SRPK2: variants seen among roughly 807,000 people sequenced by gnomAD.
SRPK2 encodes SFRS protein kinase 2.
A neutral mutation model predicts 90.8 loss-of-function variants in SRPK2; 21 were observed. The ratio of observed to expected loss-of-function variants is 0.23; its 90% CI spans 0.16 to 0.33. SRPK2 has a LOEUF of 0.33. SRPK2 is among the 10% of genes least tolerant of loss of function. The pLI, the probability that SRPK2 is intolerant of heterozygous loss-of-function variation, is 1.00. For synonymous variants in SRPK2, 288 were observed against 311.1 expected (o/e 0.93, Z 0.78); for missense variants, 620 against 869.0 (o/e 0.71, Z 3.60).
At chr7:105,357,271 C>G (rs1424839165) in intron 2 of SRPK2, among the ~76,000 whole-genome samples, 2 of 152,068 alleles carry the variant, frequency 1.3e-5, no homozygotes, top group African/African-American at 4.8e-5. Context: ...GATCTCCTGA[C>G]CTTGTGATCC....
At chr7:105,138,202 G>A (rs368258858) in intron 11 of SRPK2, among the ~76,000 whole-genome samples, 8 of 152,312 alleles carry the variant, frequency 5.3e-5, no homozygotes, top group Admixed American at 2.0e-4. Flanking sequence ...TTGTTTGTTC[G>A]TTATTCAATA....
chr7:105,251,147 G>C (rs1393306877), intron 2 of SRPK2, among the ~76,000 whole-genome samples: 2 of 152,120 alleles, frequency 1.3e-5, no homozygotes, highest in African/African-American at 2.4e-5. Context: ...AACTATAACA[G>C]GACAACGCCA....
At chr7:105,369,350 G>A (rs796253619) in intron 2 of SRPK2, among the ~76,000 whole-genome samples, 4 of 151,938 alleles carry the variant, frequency 2.6e-5, no homozygotes, top group African/African-American at 7.2e-5. Flanking sequence ...GCTTCATCAC[G>A]CTGGCCAGGC....
chr7:105,216,655 C>CAA lies in SRPK2; in HGVS notation c.72-12872_72-12871dup, dbSNP rs11337476. The stretch of plus-strand genomic sequence containing the variant: ...GGGCAACAGAATGAGACCCTGTCTC[C>CAA]AAAAAAAAAAAAAAAGAGAGAGAGA... On this transcript the variant is annotated intron_variant, in intron 2 of 15. Coordinates refer to ENST00000393651, the MANE Select transcript of SRPK2 (RefSeq NM_182692.3). Among the ~76,000 whole-genome samples, 125 of 130,706 alleles carry CAA rather than the reference C, an allele frequency of 9.6e-4. 1 individual carries two copies. In the East Asian group the frequency reaches 0.028, roughly 29 times the overall value. The allele number at this position is 130,706 out of a possible 152,430, so 85.7% of individuals were successfully genotyped here.
intron 2 of SRPK2, among the ~76,000 whole-genome samples, chr7:105,281,001 A>C (rs991273700): frequency 1.4e-5 from 2 of 145,752 alleles, no homozygotes; most frequent in African/African-American, 2.5e-5. Flanking sequence ...TTTATAAGGC[A>C]TAAGAGTTAG....
intron 1 of SRPK2, among the ~76,000 whole-genome samples, chr7:105,397,110 T>C (rs1245746720): frequency 6.6e-6 from 1 of 151,022 alleles, no homozygotes; most frequent in East Asian, 2.0e-4. Flanking sequence ...TTCCGCCTCA[T>C]GGGTACAAGC....
chr7:105,203,690 G>A lies in SRPK2; in HGVS notation c.167C>T (p.Pro56Leu). The A allele has an allele frequency of 1.3e-6, 2 of 1,581,840 alleles. No homozygotes were observed. Among genetic ancestry groups the A allele is most frequent in the Non-Finnish European group, 1.7e-6 (2 of 1,166,478 alleles). The stretch of plus-strand genomic sequence containing the variant: ...ATCTGATCCCAGGATCTCCTCCTCT[G>A]GCTCCGGGGGTGTGGGGTCTGGCAA... ...PPLPDPTPPE[P>L]EEEILGSDDE... The change falls in exon 3 of 16, where the codon CCA (proline) becomes CTA (leucine). Residue 56 changes from proline to leucine, a missense_variant. Transcript: ENST00000393651.
chr7:105,332,916 C>T (rs1436111086), intron 2 of SRPK2: 1 of 152,110 alleles, frequency 6.6e-6, no homozygotes, highest in Non-Finnish European at 1.5e-5. Context: ...AAAAATAAGG[C>T]CGGGCGTGTT....
chr7:105,252,594 C>G (rs112841481), intron 2 of SRPK2, among the ~76,000 whole-genome samples: 2 of 152,130 alleles, frequency 1.3e-5, no homozygotes, highest in South Asian at 4.1e-4. Context: ...CAGTGGAAGA[C>G]AGACTGCCCA....
intron 2 of SRPK2, among the ~76,000 whole-genome samples, chr7:105,331,328 A>AAAC (rs1563248622): frequency 2.1e-5 from 3 of 145,870 alleles, no homozygotes; most frequent in Non-Finnish European, 3.0e-5. Context: ...AAAAAAAAAA[A>AAAC]AAAAAAAAAC....
At chr7:105,118,581 T>C (rs1799888137) in intron 15 of SRPK2, among the ~76,000 whole-genome samples, 2 of 151,996 alleles carry the variant, frequency 1.3e-5, no homozygotes, top group African/African-American at 4.8e-5. Flanking sequence ...CGAGCTGTAA[T>C]GGTCATTTCA....
intron 2 of SRPK2, among the ~76,000 whole-genome samples, chr7:105,293,454 T>G (rs988338197): frequency 1.7e-5 from 1 of 57,902 alleles, no homozygotes; most frequent in Non-Finnish European, 3.4e-5. Context: ...TCCTTTTTTG[T>G]GGGGGGGTGG....
intron 2 of SRPK2, among the ~76,000 whole-genome samples, chr7:105,370,549 A>G (rs1819573178): frequency 6.6e-6 from 1 of 152,152 alleles, no homozygotes. Flanking sequence ...TAATGTTTCA[A>G]AGAGATGCCT....
At chr7:105,192,538 C>T (rs748840423) in intron 3 of SRPK2, among the ~76,000 whole-genome samples, 2 of 152,138 alleles carry the variant, frequency 1.3e-5, no homozygotes, top group Non-Finnish European at 2.9e-5. Flanking sequence ...TATATAACGA[C>T]TTATTTTCCT....
chr7:105,226,780 T>C (rs553249704), intron 2 of SRPK2, among the ~76,000 whole-genome samples: 2 of 151,682 alleles, frequency 1.3e-5, no homozygotes, highest in Admixed American at 6.6e-5. Flanking sequence ...GGTGGATCAC[T>C]TGAGGCCAGG....
intron 2 of SRPK2, among the ~76,000 whole-genome samples, chr7:105,267,412 C>T (rs1421355793): frequency 6.6e-6 from 1 of 152,168 alleles, no homozygotes; most frequent in Non-Finnish European, 1.5e-5. Context: ...TCACTATGCA[C>T]ACCACCCTCT....
intron 2 of SRPK2, among the ~76,000 whole-genome samples, chr7:105,348,589 A>C (rs1205524833): frequency 6.6e-6 from 1 of 151,542 alleles, no homozygotes; most frequent in Non-Finnish European, 1.5e-5. Flanking sequence ...ATGCCGGACT[A>C]ATTTTTGTAT....
intron 2 of SRPK2, among the ~76,000 whole-genome samples, chr7:105,367,192 C>G (rs1819173938): frequency 6.6e-6 from 1 of 151,948 alleles, no homozygotes; most frequent in Non-Finnish European, 1.5e-5. Context: ...TGGCAGAGAT[C>G]ACTTTTTACC....
intron 2 of SRPK2, among the ~76,000 whole-genome samples, chr7:105,279,143 C>T (rs976467362): frequency 1.3e-5 from 2 of 151,590 alleles, no homozygotes; most frequent in Admixed American, 1.3e-4. Flanking sequence ...CTCCTGAACA[C>T]AGTGCCCACA....
Sources: gnomAD v4.1 joint callset for allele counts (sites outside exome capture counted in the v4.1 genomes callset) on GRCh38, gnomAD v4.1.1 for gene constraint, MANE v1.5 for transcripts, NCBI Gene and HGNC (gene_info 2026-07-23, HGNC 2026-07-21) for gene names.